Variants in GRID1 observed in about 807,000 individuals in gnomAD.
GRID1 encodes glutamate receptor ionotropic, delta-1.
In GRID1, 28 loss-of-function variants were observed where a neutral mutation model predicts 98.0. The ratio of observed to expected loss-of-function variants is 0.29; its 90% CI spans 0.21 to 0.39. The LOEUF (loss-of-function observed/expected upper bound fraction) is 0.39, where lower values mean the gene tolerates loss of function less well. GRID1 is among the 10% of genes least tolerant of loss of function. The pLI is 1.00. For missense variants in GRID1, 1,111 were observed against 1,340.5 expected, an observed-to-expected ratio of 0.83 and a Z score of 2.67; for synonymous variants, 553 against 538.5, an observed-to-expected ratio of 1.03 and a Z score of -0.37.
intron 4 of GRID1, among the ~76,000 whole-genome samples, chr10:85,917,571 A>G (rs1841638640): frequency 6.6e-6 from 1 of 152,240 alleles, no homozygotes; most frequent in South Asian, 2.1e-4. Flanking sequence ...TAACACAAAT[A>G]TCTTTCCTCA....
rs139326733 is a variant in GRID1 at position 86,166,434 on chromosome 10, C to T, written c.521-27410G>A. Among the ~76,000 whole-genome samples, 33 of 152,356 alleles carry T rather than the reference C, an allele frequency of 2.2e-4. No homozygotes were observed. In the East Asian group the frequency reaches 6.2e-3, roughly 28 times the overall value. On this transcript the variant is annotated intron_variant, in intron 3 of 15. Transcript: ENST00000327946. Reference sequence around the variant, plus strand: ...AAACGACATTTATGCAGCCAACAGACATTGTCACTATCTTAGCAGCATTTA... The same window carrying T: ...AAACGACATTTATGCAGCCAACAGATATTGTCACTATCTTAGCAGCATTTA...
At chr10:85,726,995 A>G (rs1447706001) in intron 10 of GRID1, among the ~76,000 whole-genome samples, 2 of 152,356 alleles carry the variant, frequency 1.3e-5, no homozygotes, top group African/African-American at 4.8e-5. Flanking sequence ...CTGCCTTTAC[A>G]GATTTAAAAA....
intron 2 of GRID1, among the ~76,000 whole-genome samples, chr10:86,324,974 G>C (rs1488925449): frequency 6.6e-6 from 1 of 151,552 alleles, no homozygotes; most frequent in Non-Finnish European, 1.5e-5. Flanking sequence ...AAAGGAACAG[G>C]GAGAGTTCAT....
At chr10:86,217,973 C>T (rs932556267) in intron 2 of GRID1, among the ~76,000 whole-genome samples, 3 of 152,212 alleles carry the variant, frequency 2.0e-5, no homozygotes, top group African/African-American at 7.2e-5. Flanking sequence ...CTGCATTTGT[C>T]TCCTGAAAGA....
intron 5 of GRID1, among the ~76,000 whole-genome samples, chr10:85,897,560 T>G (rs1280977446): frequency 6.6e-6 from 1 of 152,198 alleles, no homozygotes; most frequent in Non-Finnish European, 1.5e-5. Context: ...CAAAGTGGCT[T>G]GGAGTTAATG....
chr10:85,695,223 T>C (rs1841380348), intron 12 of GRID1, among the ~76,000 whole-genome samples: 1 of 152,186 alleles, frequency 6.6e-6, no homozygotes, highest in Admixed American at 6.5e-5. Flanking sequence ...ATGCTGTCTC[T>C]TGCCTTCCTT....
intron 4 of GRID1, among the ~76,000 whole-genome samples, chr10:86,004,809 T>C (rs1009677722): frequency 2.6e-5 from 4 of 151,866 alleles, no homozygotes; most frequent in Admixed American, 2.6e-4. Context: ...CCTCCAGCGC[T>C]TGCCCAGTAT....
chr10:85,858,452 G>GTTTTCCCTCT (rs1843134497), intron 6 of GRID1, among the ~76,000 whole-genome samples: 1 of 152,102 alleles, frequency 6.6e-6, no homozygotes, highest in African/African-American at 2.4e-5. Flanking sequence ...AGCCACTTGA[G>GTTTTCCCTCT]GCCTAGAGGA....
chr10:85,711,763 A>T (rs993038737), intron 12 of GRID1, among the ~76,000 whole-genome samples: 2 of 151,856 alleles, frequency 1.3e-5, no homozygotes, highest in African/African-American at 4.8e-5. Flanking sequence ...TTAAAACTAA[A>T]TATAGAAGAT....
intron 2 of GRID1, among the ~76,000 whole-genome samples, chr10:86,300,996 C>T (rs764175005): frequency 5.9e-5 from 9 of 152,222 alleles, no homozygotes; most frequent in Non-Finnish European, 1.0e-4. Context: ...ACCAGCTAGG[C>T]GGTCTTGGAG....
At chr10:85,643,686 T>C (rs551996989) in intron 13 of GRID1, among the ~76,000 whole-genome samples, 3 of 152,108 alleles carry the variant, frequency 2.0e-5, no homozygotes, top group Non-Finnish European at 4.4e-5. Flanking sequence ...ACACTAGTTA[T>C]AAAACCCTTA....
In GRID1 at chr10:86,298,040, A is replaced by G. The variant is rs188669862; in HGVS notation, c.235+65901T>C. Reference sequence around the variant, plus strand: ...ACCATAAAAATGCCCACACTCTTTGACCCAATAATCTTCTTCTGAGAAAAT... The same window carrying G: ...ACCATAAAAATGCCCACACTCTTTGGCCCAATAATCTTCTTCTGAGAAAAT... On this transcript the variant is annotated intron_variant, in intron 2 of 15. Transcript: ENST00000327946. Among the ~76,000 whole-genome samples the G allele has an allele frequency of 2.0e-3, 305 of 152,338 alleles. 1 individual carries two copies. The highest frequency in any genetic ancestry group is 4.5e-3 in the Admixed American group (69 of 15,306).
intron 8 of GRID1, among the ~76,000 whole-genome samples, chr10:85,834,283 T>A (rs1267392631): frequency 6.6e-6 from 1 of 152,132 alleles, no homozygotes; most frequent in African/African-American, 2.4e-5. Flanking sequence ...ATTGAGAATA[T>A]GAAACTATGG....
intron 8 of GRID1, among the ~76,000 whole-genome samples, chr10:85,817,089 T>C (rs1340466318): frequency 2.0e-5 from 3 of 152,228 alleles, no homozygotes; most frequent in African/African-American, 7.2e-5. Flanking sequence ...ACATTTACTT[T>C]ATCCAGTCTG....
At chr10:86,230,886 G>A (rs1188680082) in intron 2 of GRID1, among the ~76,000 whole-genome samples, 1 of 152,176 alleles carries the variant, frequency 6.6e-6, no homozygotes, top group Admixed American at 6.5e-5. Flanking sequence ...CTCCCTCCAT[G>A]GATGGTGACA....
intron 2 of GRID1, among the ~76,000 whole-genome samples, chr10:86,215,192 C>A (rs1846157378): frequency 6.6e-6 from 1 of 152,196 alleles, no homozygotes; most frequent in Non-Finnish European, 1.5e-5. Context: ...GGAGCCCCAG[C>A]CTCTCTGGCC....
intron 8 of GRID1, among the ~76,000 whole-genome samples, chr10:85,747,634 C>T (rs112887156): frequency 1.2e-4 from 18 of 152,192 alleles, no homozygotes; most frequent in Admixed American, 5.9e-4. Context: ...TTATTCTTAC[C>T]CAGAAAATGG....
intron 7 of GRID1, 106 bp from the exon 8 acceptor site, chr10:85,854,721 G>T: frequency 9.0e-7 from 1 of 1,116,488 alleles, no homozygotes; most frequent in Non-Finnish European, 1.3e-6. Context: ...GGAGCAATCA[G>T]TTTTGAGACC....
At chr10:85,939,315 C>T (rs1214752411) in intron 4 of GRID1, among the ~76,000 whole-genome samples, 2 of 152,200 alleles carry the variant, frequency 1.3e-5, no homozygotes, top group East Asian at 3.8e-4. Flanking sequence ...TGTATTAGCT[C>T]TTTATTGATG....
Sources: gnomAD v4.1 joint callset for allele counts (sites outside exome capture counted in the v4.1 genomes callset) on GRCh38, gnomAD v4.1.1 for gene constraint, MANE v1.5 for transcripts, NCBI Gene and HGNC (gene_info 2026-07-23, HGNC 2026-07-21) for gene names.